The following SCN11A variants were observed in gnomAD, a reference collection of about 807,000 sequenced individuals.
SCN11A encodes sodium channel protein type 11 subunit alpha.
In SCN11A, 122 loss-of-function variants were observed where a neutral mutation model predicts 162.2. The observed-to-expected ratio is 0.75, with a 90% confidence interval of 0.65 to 0.87. The LOEUF is 0.87. SCN11A is among the 40% of genes least tolerant of loss of function. SCN11A has a pLI of 0.00. For synonymous variants in SCN11A, 758 were observed against 751.5 expected, an observed-to-expected ratio of 1.01 and a Z score of -0.14; for missense variants, 2,015 against 2,181.6, an observed-to-expected ratio of 0.92 and a Z score of 1.52.
At chr3:38,859,416 G>C (rs1221033193) in intron 28 of SCN11A, among the ~76,000 whole-genome samples, 1 of 151,934 alleles carries the variant, frequency 6.6e-6, no homozygotes, top group African/African-American at 2.4e-5. Context: ...AGAAAATCCA[G>C]AGGAAACGGA....
intron 20 of SCN11A, among the ~76,000 whole-genome samples, chr3:38,885,788 G>A (rs2065387808): frequency 1.3e-5 from 2 of 152,196 alleles, no homozygotes; most frequent in Non-Finnish European, 2.9e-5. Flanking sequence ...GCCTAGACCA[G>A]TGGTTCTTAT....
intron 2 of SCN11A, among the ~76,000 whole-genome samples, chr3:38,968,421 A>G (rs1467880661): frequency 6.6e-6 from 1 of 152,076 alleles, no homozygotes; most frequent in East Asian, 1.9e-4. Flanking sequence ...CCTAAAGAAA[A>G]CCCTAATGGG....
intron 7 of SCN11A, among the ~76,000 whole-genome samples, chr3:38,940,061 T>C (rs903074230): frequency 2.0e-5 from 3 of 148,580 alleles, no homozygotes; most frequent in Non-Finnish European, 4.5e-5. Flanking sequence ...TACATACATA[T>C]ATATATATAT....
At chr3:38,956,630 T>C (rs2066684728) in intron 3 of SCN11A, among the ~76,000 whole-genome samples, 1 of 152,148 alleles carries the variant, frequency 6.6e-6, no homozygotes, top group African/African-American at 2.4e-5. Context: ...CCAAATATAG[T>C]ACAGTTCTTG....
intron 9 of SCN11A, 83 bp from the exon 10 acceptor site, chr3:38,921,338 C>A: frequency 1.5e-6 from 2 of 1,323,970 alleles, no homozygotes; most frequent in Non-Finnish European, 2.1e-6. Context: ...CAACTGAAGT[C>A]TCGGAAACTG....
chr3:38,873,059 T>C (rs28504547), intron 23 of SCN11A, among the ~76,000 whole-genome samples: 16,356 of 152,226 alleles, frequency 0.11, 1,561 homozygotes, highest in African/African-American at 0.26. Flanking sequence ...AGGACAGAAC[T>C]GAGTATTAGA....
intron 10 of SCN11A, among the ~76,000 whole-genome samples, chr3:38,920,377 C>T (rs745588618): frequency 2.0e-5 from 3 of 152,092 alleles, no homozygotes; most frequent in Non-Finnish European, 4.4e-5. Flanking sequence ...TCAACCTCAG[C>T]ATGGAGAGGG....
intron 4 of SCN11A, among the ~76,000 whole-genome samples, chr3:38,951,165 C>T (rs1049521487): frequency 1.3e-5 from 2 of 152,204 alleles, no homozygotes; most frequent in African/African-American, 4.8e-5. Context: ...GAGGCGCGAG[C>T]GGGAACCGGG....
chr3:38,964,817 C>A (rs2066771435), intron 2 of SCN11A, among the ~76,000 whole-genome samples: 1 of 152,174 alleles, frequency 6.6e-6, no homozygotes, highest in Admixed American at 6.5e-5. Context: ...CCAAGGAGTT[C>A]AAACCTAAAT....
rs1160994855 is a variant in SCN11A at position 38,847,158 on chromosome 3, T to C, written c.4912A>G (p.Thr1638Ala). The change falls in exon 30 of 30, where the codon ACA becomes GCA. Residue 1638 changes from threonine (T) to alanine (A), a missense_variant. Transcript: ENST00000302328. ...EVWEKFDPEA[T>A]QFIKYSALSD... Reference sequence around the variant, plus strand: ...AGGGCAGAATATTTGATAAATTGTGTTGCTTCTGGGTCAAACTTTTCCCAC... The same window carrying C: ...AGGGCAGAATATTTGATAAATTGTGCTGCTTCTGGGTCAAACTTTTCCCAC... 11 of 1,614,228 alleles carry C rather than the reference T, an allele frequency of 6.8e-6. No homozygotes were observed. The highest frequency in any genetic ancestry group is 9.3e-6 in the Non-Finnish European group (11 of 1,180,036).
chr3:38,850,544 G>T lies in SCN11A; in HGVS notation c.4264C>A (p.Gln1422Lys). 1 of 1,613,740 alleles carries T rather than the reference G, an allele frequency of 6.2e-7. No individual in the cohort carries two copies. Among genetic ancestry groups the T allele is most frequent in the Non-Finnish European group, 8.5e-7 (1 of 1,179,694 alleles). Residue 1422 changes from glutamine (Q) to lysine (K), a missense_variant, in exon 29 of 30, where the codon CAA (glutamine) becomes AAA (lysine). Gln to Lys is a moderately conservative substitution (Grantham distance 53). Coordinates refer to ENST00000302328, the MANE Select transcript of SCN11A (RefSeq NM_001349253.2). ...TTCCAGCCATTGGTGAAGTAGTATT[G>T]CCTCAAAGCAAAGATTTTGATGAGA... ...ECLIKIFALR[Q>K]YYFTNGWNLF... is the part of the protein sequence containing the mutation.
chr3:38,993,259 C>A (rs554259812), intron 2 of SCN11A, among the ~76,000 whole-genome samples: 9 of 152,084 alleles, frequency 5.9e-5, no homozygotes, highest in Non-Finnish European at 1.2e-4. Context: ...GACACTGGAG[C>A]GCCTCTGGGA....
At chr3:38,907,361 C>CATATATATATATAT (rs1447623444) in intron 14 of SCN11A, among the ~76,000 whole-genome samples, 2 of 25,324 alleles carry the variant, frequency 7.9e-5, no homozygotes, top group African/African-American at 1.3e-4. Flanking sequence ...TATATATACA[C>CATATATATATATAT]ACACACACAC....
intron 2 of SCN11A, among the ~76,000 whole-genome samples, chr3:38,993,320 A>C (rs1464394679): frequency 6.6e-6 from 1 of 152,176 alleles, no homozygotes; most frequent in African/African-American, 2.4e-5. Flanking sequence ...TCAGAAAAAA[A>C]AGAGCCCTAA....
At chr3:39,019,891 G>C (rs1024938295) in intron 2 of SCN11A, among the ~76,000 whole-genome samples, 2 of 151,918 alleles carry the variant, frequency 1.3e-5, no homozygotes, top group East Asian at 3.8e-4. Flanking sequence ...AAATGGTTGG[G>C]GTATTTACTG....
intron 23 of SCN11A, 141 bp downstream of exon 23, chr3:38,879,809 G>A (rs757276434): frequency 1.7e-5 from 11 of 645,490 alleles, no homozygotes; most frequent in Non-Finnish European, 2.9e-5. Flanking sequence ...CTACTTACAA[G>A]TACTGTGAAG....
chr3:38,873,291 A>C (rs1179248238), intron 23 of SCN11A, among the ~76,000 whole-genome samples: 1 of 152,206 alleles, frequency 6.6e-6, no homozygotes, highest in Non-Finnish European at 1.5e-5. Flanking sequence ...AGAGTTGCTC[A>C]GCTGGATAGG....
chr3:39,030,855 T>C (rs17038351), intron 2 of SCN11A, among the ~76,000 whole-genome samples: 1,618 of 152,340 alleles, frequency 0.011, 30 homozygotes, highest in African/African-American at 0.036. Context: ...ATAGAACTTT[T>C]ATGGGAGAAA....
intron 2 of SCN11A, among the ~76,000 whole-genome samples, chr3:38,975,578 G>T (rs115245633): frequency 1.3e-5 from 2 of 152,188 alleles, no homozygotes; most frequent in Non-Finnish European, 2.9e-5. Context: ...TCAACAAATT[G>T]TTCAACTTCT....
Sources: allele counts gnomAD v4.1 joint callset (sites outside exome capture counted in the v4.1 genomes callset), GRCh38; gene constraint gnomAD v4.1.1; transcripts MANE v1.5; gene names NCBI Gene and HGNC (gene_info 2026-07-23, HGNC 2026-07-21).